The following NEB variants were observed in gnomAD, a reference collection of about 807,000 sequenced individuals.
The protein encoded by NEB is nebulin, also known as nemaline myopathy type 2.
Under a neutral mutation model 952.2 loss-of-function variants are expected in NEB, and 512 were observed. The observed-to-expected ratio is 0.54, with a 90% confidence interval of 0.50 to 0.58. The LOEUF is 0.58. Ranked by LOEUF, NEB falls within the 20% of genes least tolerant of loss-of-function variation. The probability of loss-of-function intolerance (pLI) is 0.00; values close to 1 mark genes in which losing one functional copy is unlikely to be tolerated. For synonymous variants in NEB, 2,900 were observed against 3,149.8 expected (o/e 0.92, Z 2.66); for missense variants, 8,428 against 9,231.1 (o/e 0.91, Z 3.56).
intron 126 of NEB, 80 bp downstream of exon 126, chr2:151,553,748 G>A (rs1349976403): frequency 7.4e-7 from 1 of 1,355,218 alleles, no homozygotes; most frequent in Non-Finnish European, 1.0e-6. Flanking sequence ...CTAAGGTAAA[G>A]AAATGGGTGA....
Position 151,610,799 on chromosome 2 carries a change from A to C in NEB, c.11873T>G (p.Ile3958Ser). Residue 3958 changes from isoleucine (I) to serine (S), a missense_variant, in exon 79 of 182, where the codon ATC becomes AGC. Around this residue, in one of 11 missense-constraint regions of NEB, gnomAD observed 337 missense variants for 297.5 expected, o/e 1.13. Transcript: ENST00000397345. ...SIHVMPDTPDILLAKSNSANI... is the reference protein window; with the variant it reads ...SIHVMPDTPDSLLAKSNSANI... ...GGCAGAATTACTCTTGGCCAGCAGG[A>C]TATCTGGGGTGTCTGGCATCACGTG... is the stretch of plus-strand genomic sequence containing the variant. The C allele has an allele frequency of 6.2e-7, 1 of 1,608,730 alleles. No homozygotes were observed. Among genetic ancestry groups the C allele is most frequent in the Non-Finnish European group, 8.5e-7 (1 of 1,177,182 alleles).
Position 151,680,814 on chromosome 2 carries a change from T to G in NEB, c.2958A>C (p.Gln986His). 1 of 1,612,472 alleles carries G rather than the reference T, an allele frequency of 6.2e-7. No individual in the cohort carries two copies. Among genetic ancestry groups the G allele is most frequent in the Non-Finnish European group, 8.5e-7 (1 of 1,178,600 alleles). Residue 986 changes from glutamine to histidine, a missense_variant, in exon 30 of 182, where the codon CAA (glutamine) becomes CAC (histidine). Gln to His is a conservative substitution (Grantham distance 24). Transcript: ENST00000397345. ...AGGTAAACTTGAGGGTGTCTGGATG[T>G]TGGCGATATTTTTTCTGTTTGGCAA... Reference protein sequence around the residue: ...SDILNEKKYRQHPDTLKFTSI... With the variant: ...SDILNEKKYRHHPDTLKFTSI...
In NEB at chr2:151,677,699, C is replaced by T. The variant is rs764769462; in HGVS notation, c.3640G>A (p.Glu1214Lys). Residue 1214 changes from glutamate (E) to lysine (K), a missense_variant, in exon 34 of 182, where the codon GAA (glutamate) becomes AAA (lysine). Coordinates refer to ENST00000397345, the MANE Select transcript of NEB (RefSeq NM_001164508.2). ...GCATCACCGGCCTTTTTAACTTTTT[C>T]GACGTCGAGACTGCCAATAGGAATC... Reference protein sequence around the residue: ...GWIPIGSLDVEKVKKAGDALN... With the variant: ...GWIPIGSLDVKKVKKAGDALN... The T allele has an allele frequency of 4.0e-5, 65 of 1,613,766 alleles. No individual in the cohort carries two copies. The highest frequency in any genetic ancestry group is 3.3e-4 in the Middle Eastern group (2 of 6,084).
Position 151,560,852 on chromosome 2 carries a change from C to A in NEB, c.19206+152G>T, listed in dbSNP as rs1326458136. Among the ~76,000 whole-genome samples, 3 of 152,068 alleles carry A rather than the reference C, an allele frequency of 2.0e-5. No individual in the cohort carries two copies. The East Asian group carries it at 5.8e-4, about 29-fold the overall frequency. ...GGTGGGGCTTATTTAATTGTACCTACTAGAATTTTATGAGGTAAAGTAAGA... is the reference window on the plus strand; with the variant it reads ...GGTGGGGCTTATTTAATTGTACCTAATAGAATTTTATGAGGTAAAGTAAGA... On this transcript the variant is annotated intron_variant, in intron 123 of 181. Coordinates refer to ENST00000397345, the MANE Select transcript of NEB (RefSeq NM_001164508.2).
intron 161 of NEB, among the ~76,000 whole-genome samples, chr2:151,510,021 G>A (rs905140562): frequency 2.0e-5 from 3 of 152,212 alleles, no homozygotes; most frequent in African/African-American, 7.2e-5. Context: ...ATGTCTTTGT[G>A]TAAGTGTTCA....
intron 179 of NEB, among the ~76,000 whole-genome samples, chr2:151,490,955 G>A (rs553901242): frequency 6.6e-6 from 1 of 152,158 alleles, no homozygotes; most frequent in South Asian, 2.1e-4. Flanking sequence ...GCACATGTCA[G>A]AATGCAACCA....
At chr2:151,658,131 G>A (rs963098488) in intron 47 of NEB, 41 bp from the exon 48 acceptor site, 37 of 1,384,478 alleles carry the variant, frequency 2.7e-5, no homozygotes, top group African/African-American at 7.2e-5. Flanking sequence ...TTCTAAATAT[G>A]AAAGCCTGGA....
Position 151,494,204 on chromosome 2 carries a change from G to A in NEB, c.24536C>T (p.Pro8179Leu). The A allele has an allele frequency of 6.2e-7, 1 of 1,608,262 alleles. No homozygotes were observed. Among genetic ancestry groups the A allele is most frequent in the Non-Finnish European group, 8.5e-7 (1 of 1,176,964 alleles). The change falls in exon 174 of 182, where the codon CCT becomes CTT. Residue 8179 changes from proline (P) to leucine (L), a missense_variant. Coordinates refer to ENST00000397345, the MANE Select transcript of NEB (RefSeq NM_001164508.2). Reference protein sequence around the residue: ...VGKATATPVTPEMQRVKRNQE... With the variant: ...VGKATATPVTLEMQRVKRNQE... ...ATTGCGTTTGACTCTCTGCATCTCA[G>A]GAGTGACAGGGGTTGCGGTGGCTTT...
At chr2:151,705,652 C>A (rs926031765) in intron 13 of NEB, among the ~76,000 whole-genome samples, 2 of 152,008 alleles carry the variant, frequency 1.3e-5, no homozygotes, top group African/African-American at 2.4e-5. Context: ...TTCACAATTG[C>A]AAAGATGTGG....
rs189550334 is a variant in NEB at position 151,626,262 on chromosome 2, G to A, written c.10348-624C>T. Among the ~76,000 whole-genome samples the A allele has an allele frequency of 1.0e-3, 153 of 151,816 alleles. 1 individual carries two copies. Among genetic ancestry groups the A allele is most frequent in the Non-Finnish European group, 1.5e-3 (100 of 67,946 alleles). ...CCCAAGTACCTAAGACTAGAGGTGCGTGTCACCACACCCGGCTAACTTTTG... is the reference window on the plus strand; with the variant it reads ...CCCAAGTACCTAAGACTAGAGGTGCATGTCACCACACCCGGCTAACTTTTG... On this transcript the variant is annotated intron_variant, in intron 70 of 181. Transcript: ENST00000397345.
At chr2:151,671,750 C>T (rs2099298947) in intron 37 of NEB, among the ~76,000 whole-genome samples, 1 of 152,170 alleles carries the variant, frequency 6.6e-6, no homozygotes, top group African/African-American at 2.4e-5. Context: ...TGCTTGAGCT[C>T]ATCTGGGGAG....
chr2:151,627,599 T>C lies in NEB; in HGVS notation c.10067A>G (p.Tyr3356Cys), dbSNP rs1332306812. The change falls in exon 69 of 182, where the codon TAC (tyrosine) becomes TGC (cysteine). Residue 3356 changes from tyrosine (Y) to cysteine (C), a missense_variant. Physicochemically the swap from Tyr to Cys is radical, Grantham distance 194. This residue lies in a region of NEB where 1,772 missense variants were observed against 1,960.3 expected (regional missense o/e 0.90). Coordinates refer to ENST00000397345, the MANE Select transcript of NEB (RefSeq NM_001164508.2). ...GGGCAGGCACGTCCACTCGTGCAGGTAGTTCTTGTAGTCCACATCGCTGAC... is the reference window on the plus strand; with the variant it reads ...GGGCAGGCACGTCCACTCGTGCAGGCAGTTCTTGTAGTCCACATCGCTGAC... ...TLVSDVDYKN[Y>C]LHEWTCLPDQ... 6.2e-7 allele frequency: 1 copy of C among 1,614,036 alleles called. No homozygotes were observed. The highest frequency in any genetic ancestry group is 1.7e-5 in the Admixed American group (1 of 60,026).
chr2:151,699,060 T>G lies in NEB; in HGVS notation c.1153-1412A>C, dbSNP rs868684761. On this transcript the variant is annotated intron_variant, in intron 13 of 181. Coordinates refer to ENST00000397345, the MANE Select transcript of NEB (RefSeq NM_001164508.2). ...CCAGAGTGTGATATTCCCCTTCCTGTGTCCATGTGATCTCATTGTTCAGTT... is the reference window on the plus strand; with the variant it reads ...CCAGAGTGTGATATTCCCCTTCCTGGGTCCATGTGATCTCATTGTTCAGTT... Among the ~76,000 whole-genome samples the G allele has an allele frequency of 1.5e-3, 213 of 141,266 alleles. 3 individuals are homozygous for G. The highest frequency in any genetic ancestry group is 6.9e-3 in the Middle Eastern group (2 of 290). 92.7% of individuals were successfully genotyped at this position (141,266 alleles called of 152,430 possible).
chr2:151,672,447 C>T lies in NEB; in HGVS notation c.4221G>A (p.Gln1407=), dbSNP rs6709752. The T allele has an allele frequency of 2.0e-4, 324 of 1,613,958 alleles. 2 individuals are homozygous for T. In the African/African-American group the frequency reaches 3.1e-3, roughly 15 times the overall value. The change falls in exon 37 of 182, where the codon CAG becomes CAA. Residue 1407 remains glutamine (Q), a synonymous_variant. Coordinates refer to ENST00000397345, the MANE Select transcript of NEB (RefSeq NM_001164508.2). ...QDVATNVNYK[Q]PLHHYTYLPD... Reference sequence around the variant, plus strand: ...GTAGGTATGTGTAATGATGCAATGGCTGTTTGTAGTTGACATTGGTAGCGA... The same window carrying T: ...GTAGGTATGTGTAATGATGCAATGGTTGTTTGTAGTTGACATTGGTAGCGA...
chr2:151,690,283 AC>A (rs1244544637), intron 24 of NEB: 1 of 178,974 alleles, frequency 5.6e-6, no homozygotes, highest in African/African-American at 2.4e-5. Context: ...ATTCTGTAGC[AC>A]CATTCTATAT....
At chr2:151,506,051 A>T in intron 164 of NEB, 115 bp downstream of exon 164, 1 of 907,730 alleles carries the variant, frequency 1.1e-6, no homozygotes, top group Non-Finnish European at 1.8e-6. Context: ...ACAGGCACCT[A>T]TTTTAGCAAT....
chr2:151,575,181 A>G (rs1372272553), intron 107 of NEB, among the ~76,000 whole-genome samples: 1 of 152,202 alleles, frequency 6.6e-6, no homozygotes, highest in African/African-American at 2.4e-5. Context: ...ACTTGAAAGT[A>G]GGAAGAAAAG....
At chr2:151,503,128 A>G in intron 166 of NEB, 1 of 593,008 alleles carries the variant, frequency 1.7e-6, no homozygotes, top group Non-Finnish European at 3.0e-6. Flanking sequence ...TGTTAATTCT[A>G]CTTATAGTAT....
intron 166 of NEB, 42 bp from the exon 167 acceptor site, chr2:151,502,927 GCA>G (rs1271682580): frequency 8.2e-7 from 1 of 1,225,930 alleles, no homozygotes; most frequent in Non-Finnish European, 1.2e-6. Context: ...TTTAAAACAG[GCA>G]CAGAGAGTAA....
Sources: gnomAD v4.1 joint callset for allele counts (sites outside exome capture counted in the v4.1 genomes callset) on GRCh38, gnomAD v4.1.1 for gene constraint, gnomAD v4.1.1 regional missense constraint, MANE v1.5 for transcripts, NCBI Gene and HGNC (gene_info 2026-07-23, HGNC 2026-07-21) for gene names.